DOCK1: variants seen among roughly 807,000 people sequenced by gnomAD.
DOCK1 encodes the protein dedicator of cytokinesis protein 1.
In DOCK1, 138 loss-of-function variants were observed where a neutral mutation model predicts 262.7. That is an observed-to-expected ratio of 0.53 (90% CI 0.46 to 0.61). The LOEUF is 0.61. Ranked by LOEUF, DOCK1 falls within the 20% of genes least tolerant of loss-of-function variation. DOCK1 has a pLI of 0.00. For synonymous variants in DOCK1, 866 were observed against 867.4 expected (o/e 1.00, Z 0.03); for missense variants, 1,908 against 2,370.7 (o/e 0.80, Z 4.05).
At chr10:127,324,736 C>T (rs146214191) in intron 29 of DOCK1, among the ~76,000 whole-genome samples, 122 of 152,320 alleles carry the variant, frequency 8.0e-4, no homozygotes, top group African/African-American at 2.8e-3. Context: ...GTCAGCCACA[C>T]ACACAGACAT....
chr10:126,939,524 TACTTTA>T (rs1392207651), intron 1 of DOCK1, among the ~76,000 whole-genome samples: 1 of 152,248 alleles, frequency 6.6e-6, no homozygotes, highest in African/African-American at 2.4e-5. Context: ...TCAGTGTTTT[TACTTTA>T]ACTTAAAGTT....
At chr10:127,036,036 A>AAATT in intron 18 of DOCK1, among the ~76,000 whole-genome samples, 1 of 150,374 alleles carries the variant, frequency 6.7e-6, no homozygotes, top group African/African-American at 2.5e-5. Context: ...ATAAATAAAT[A>AAATT]AATAAATAAA....
At chr10:126,990,293 ATG>A (rs1334373949) in intron 5 of DOCK1, among the ~76,000 whole-genome samples, 160 bp from the exon 6 acceptor site, 1 of 152,198 alleles carries the variant, frequency 6.6e-6, no homozygotes, top group African/African-American at 2.4e-5. Context: ...TCCGTATAAT[ATG>A]TTTTAGTTTA....
At position 127,136,098 on chromosome 10, in the gene DOCK1, A is replaced by T. The variant is rs74458104; in HGVS notation, c.2847+8334A>T. On this transcript the variant is annotated intron_variant, in intron 27 of 51. Coordinates refer to ENST00000623213, the MANE Select transcript of DOCK1 (RefSeq NM_001290223.2). ...ACTTCATATAGTGTTTCCGCAGAGGATGTGTGTGTGCACATGTGTGTTTTA... is the reference window on the plus strand; with the variant it reads ...ACTTCATATAGTGTTTCCGCAGAGGTTGTGTGTGTGCACATGTGTGTTTTA... 6.5e-3 allele frequency: 998 copies of T among 152,466 alleles called. 6 individuals carry two copies. The highest frequency in any genetic ancestry group is 0.01 in the Non-Finnish European group (686 of 68,022). The allele number at this position is 152,466 out of a possible 1,614,324, so 9.4% of individuals were successfully genotyped here.
chr10:126,906,786 G>A (rs1260093194), intron 1 of DOCK1, among the ~76,000 whole-genome samples: 2 of 152,198 alleles, frequency 1.3e-5, no homozygotes, highest in Non-Finnish European at 2.9e-5. Context: ...GTGAACAGTT[G>A]CTTCTCTCTG....
intron 27 of DOCK1, among the ~76,000 whole-genome samples, chr10:127,171,974 G>C (rs186043560): frequency 1.6e-4 from 25 of 152,278 alleles, no homozygotes; most frequent in Admixed American, 1.4e-3. Flanking sequence ...CAAAGTGCTG[G>C]GATTACAGGC....
intron 10 of DOCK1, among the ~76,000 whole-genome samples, chr10:127,004,593 A>G (rs1263793828): frequency 6.6e-6 from 1 of 151,990 alleles, no homozygotes; most frequent in East Asian, 1.9e-4. Context: ...TAAAAAATAC[A>G]AAAGTTAGCT....
intron 1 of DOCK1, among the ~76,000 whole-genome samples, chr10:126,957,985 T>C (rs1269065482): frequency 6.6e-6 from 1 of 152,188 alleles, no homozygotes; most frequent in Non-Finnish European, 1.5e-5. Context: ...TAGGATTCCG[T>C]GTATTTGAAG....
At chr10:127,343,812 G>C in intron 31 of DOCK1, 66 bp downstream of exon 31, 1 of 1,319,170 alleles carries the variant, frequency 7.6e-7, no homozygotes, top group Non-Finnish European at 1.1e-6. Flanking sequence ...TAATTTTCAT[G>C]TCATTTCTAA....
chr10:127,403,474 C>A (rs930268808), intron 39 of DOCK1, among the ~76,000 whole-genome samples: 1 of 152,158 alleles, frequency 6.6e-6, no homozygotes, highest in Non-Finnish European at 1.5e-5. Flanking sequence ...TAAAACTGAC[C>A]CCAGGCCAGG....
chr10:127,153,449 T>G (rs1221612138), intron 27 of DOCK1, among the ~76,000 whole-genome samples: 1 of 152,188 alleles, frequency 6.6e-6, no homozygotes, highest in Non-Finnish European at 1.5e-5. Flanking sequence ...ACATTTGGTG[T>G]GAGCAGCCCA....
intron 44 of DOCK1, among the ~76,000 whole-genome samples, chr10:127,415,929 C>T (rs1427701560): frequency 6.6e-6 from 1 of 152,196 alleles, no homozygotes; most frequent in Non-Finnish European, 1.5e-5. Context: ...CGTTTTTGTT[C>T]ATGTGTCTCA....
intron 27 of DOCK1, among the ~76,000 whole-genome samples, chr10:127,130,032 T>C (rs1030766194): frequency 6.6e-6 from 1 of 150,794 alleles, no homozygotes; most frequent in Non-Finnish European, 1.5e-5. Flanking sequence ...CTGTCTCTAG[T>C]TGGGGCACAA....
chr10:127,367,418 C>G (rs2064983163), intron 33 of DOCK1, among the ~76,000 whole-genome samples: 1 of 152,166 alleles, frequency 6.6e-6, no homozygotes, highest in South Asian at 2.1e-4. Context: ...ATGGAGTTAT[C>G]CTTTCATGGG....
intron 32 of DOCK1, among the ~76,000 whole-genome samples, chr10:127,356,538 G>T (rs1266429855): frequency 1.3e-5 from 2 of 152,148 alleles, no homozygotes; most frequent in Non-Finnish European, 2.9e-5. Context: ...TCTGACAGAT[G>T]CATCTGTCAT....
rs748315063 is a variant in DOCK1, at chr10:127,403,968, G to A, written c.4018-357G>A. 9.9e-5 allele frequency among the ~76,000 whole-genome samples: 15 copies of A among 152,210 alleles called. No individual in the cohort carries two copies. In the South Asian group the frequency reaches 2.9e-3, roughly 29 times the overall value. ...CTGTTCCTTTAAATTCTCTTTGAAC[G>A]TATCCCACTATCTGACCTATACCTT... On this transcript the variant is annotated intron_variant, in intron 39 of 51. Coordinates refer to ENST00000623213, the MANE Select transcript of DOCK1 (RefSeq NM_001290223.2).
At chr10:127,006,887 C>T (rs544747328) in intron 10 of DOCK1, among the ~76,000 whole-genome samples, 26 of 151,220 alleles carry the variant, frequency 1.7e-4, no homozygotes, top group Admixed American at 2.7e-4. Context: ...TGGGCCTGCT[C>T]GGGTCAGACT....
intron 35 of DOCK1, among the ~76,000 whole-genome samples, chr10:127,377,699 C>T (rs1048853036): frequency 6.6e-6 from 1 of 151,990 alleles, no homozygotes; most frequent in Admixed American, 6.6e-5. Flanking sequence ...TGATACCAGC[C>T]TGGCCAACAT....
chr10:127,374,255 A>G, intron 35 of DOCK1, 41 bp downstream of exon 35: 1 of 1,575,052 alleles, frequency 6.3e-7, no homozygotes, highest in Non-Finnish European at 8.6e-7. Context: ...TTTTCACAGC[A>G]CACCAGAAAC....
Sources: gnomAD v4.1 joint callset for allele counts (sites outside exome capture counted in the v4.1 genomes callset) on GRCh38, gnomAD v4.1.1 for gene constraint, MANE v1.5 for transcripts, NCBI Gene and HGNC (gene_info 2026-07-23, HGNC 2026-07-21) for gene names.